The following ADPRH variants were observed in gnomAD, a reference collection of about 807,000 sequenced individuals.
ADPRH encodes ADP-ribosylarginine hydrolase.
In ADPRH, 27 loss-of-function variants were observed where a neutral mutation model predicts 28.8. That is an observed-to-expected ratio of 0.94 (90% confidence interval 0.69 to 1.29). The LOEUF is 1.29. ADPRH is among the 50% of genes most tolerant of loss of function. The probability of loss-of-function intolerance (pLI) is 0.00; values close to 1 mark genes in which losing one functional copy is unlikely to be tolerated. For missense variants in ADPRH, 419 were observed against 444.8 expected, an observed-to-expected ratio of 0.94 and a Z score of 0.52; for synonymous variants, 161 against 166.9, an observed-to-expected ratio of 0.96 and a Z score of 0.27.
chr3:119,587,710 C>G lies in ADPRH; in HGVS notation c.906C>G (p.Asp302Glu), dbSNP rs985221967. 1.2e-6 allele frequency: 2 copies of G among 1,614,148 alleles called. No individual in the cohort carries two copies. The highest frequency in any genetic ancestry group is 1.7e-6 in the Non-Finnish European group (2 of 1,180,036). The change falls in exon 5 of 5, where the codon GAC becomes GAG. Residue 302 changes from aspartate (D) to glutamate (E), a missense_variant. Coordinates refer to ENST00000357003, the MANE Select transcript of ADPRH (RefSeq NM_001125.4). ...LAHRAFFHGG[D>E]SDSTAAIAGC... ...ACCGAGCCTTTTTCCATGGTGGAGA[C>G]AGTGATTCTACAGCTGCCATTGCTG...
At chr3:119,583,481 T>C (rs1186856842) in intron 3 of ADPRH, among the ~76,000 whole-genome samples, 1 of 152,246 alleles carries the variant, frequency 6.6e-6, no homozygotes, top group Non-Finnish European at 1.5e-5. Flanking sequence ...AATAAATGTA[T>C]ATAATTGATT....
In ADPRH at chr3:119,587,635, T is replaced by C; in HGVS notation, c.831T>C (p.Ile277=). Residue 277 remains isoleucine (I), a synonymous_variant, in exon 5 of 5, where the codon ATT becomes ATC. Transcript: ENST00000357003. ...GGSSGHDAPM[I]AYDAVLAAGD... ...GCAGTGGGCACGATGCCCCCATGAT[T>C]GCCTACGATGCTGTTCTTGCTGCAG... 6.2e-7 allele frequency: 1 copy of C among 1,614,230 alleles called. No individual in the cohort carries two copies. The highest frequency in any genetic ancestry group is 8.5e-7 in the Non-Finnish European group (1 of 1,180,022).
chr3:119,586,295 G>C lies in ADPRH; in HGVS notation c.309G>C (p.Ser103=), dbSNP rs142760415. The C allele has an allele frequency of 1.2e-6, 2 of 1,612,982 alleles. No homozygotes were observed. The highest frequency in any genetic ancestry group is 1.7e-6 in the Non-Finnish European group (2 of 1,180,036). Residue 103 remains serine (S), a synonymous_variant, in exon 4 of 5, where the codon TCG becomes TCC. Transcript: ENST00000357003. ...CCGACTCTTCCCCAGGTGGTGCCTC[G>C]GTGCACAACGCCATGCAGCTGAAGC... ...DMDGRAPGGA[S]VHNAMQLKPG... is the part of the protein sequence containing the mutation.
At chr3:119,585,993 GAAC>G (rs1032118902) in intron 3 of ADPRH, among the ~76,000 whole-genome samples, 4 of 152,230 alleles carry the variant, frequency 2.6e-5, no homozygotes, top group Non-Finnish European at 4.4e-5. Flanking sequence ...TTAAAAAAGA[GAAC>G]AATATACTTA....
chr3:119,583,457 A>T (rs189314832), intron 3 of ADPRH, among the ~76,000 whole-genome samples: 2,463 of 152,346 alleles, frequency 0.016, 21 homozygotes, highest in Non-Finnish European at 0.027. Context: ...ATATCAAATC[A>T]TCACATTATA....
At chr3:119,582,082 TGA>T in intron 2 of ADPRH, 50 bp from the exon 3 acceptor site, 28 of 1,233,710 alleles carry the variant, frequency 2.3e-5, no homozygotes, top group Non-Finnish European at 2.8e-5. Flanking sequence ...TTGTTTTTTC[TGA>T]TTCTTCTTGC....
intron 4 of ADPRH, among the ~76,000 whole-genome samples, chr3:119,587,125 C>T (rs2082469459): frequency 6.6e-6 from 1 of 152,248 alleles, no homozygotes; most frequent in Non-Finnish European, 1.5e-5. Flanking sequence ...CTGCTGAAGT[C>T]ACCCACAGTT....
In ADPRH at chr3:119,586,643, CT is replaced by C; in HGVS notation, c.658del (p.Trp220GlyfsTer12). On this transcript the variant is annotated frameshift_variant and splice_region_variant, in exon 4 of 5. Transcript: ENST00000357003. LOFTEE classifies it high-confidence loss of function. ...ACTTTGTAGAGGAAAATCTTCAACA[CT>C]GGTGAGTCTGTAAGCGCACGCCCTG... ...GYFVEENLQH[W>X]SYFQTKWENY... The C allele has an allele frequency of 6.2e-7, 1 of 1,613,300 alleles. No individual in the cohort carries two copies.
At chr3:119,582,644 G>T (rs1329741024) in intron 3 of ADPRH, among the ~76,000 whole-genome samples, 177 bp downstream of exon 3, 1 of 152,184 alleles carries the variant, frequency 6.6e-6, no homozygotes, top group Admixed American at 6.5e-5. Context: ...TCTTTGGGAG[G>T]CCAAGGTGAG....
chr3:119,586,375 G>T lies in ADPRH; in HGVS notation c.389G>T (p.Gly130Val), dbSNP rs756340362. 8 of 1,614,216 alleles carry T rather than the reference G, an allele frequency of 5.0e-6. No homozygotes were observed. The South Asian group carries it at 8.8e-5, about 18-fold the overall frequency. Residue 130 changes from glycine (G) to valine (V), a missense_variant, in exon 4 of 5, where the codon GGG becomes GTG. Gly to Val is a moderately radical substitution (Grantham distance 109). Coordinates refer to ENST00000357003, the MANE Select transcript of ADPRH (RefSeq NM_001125.4). Reference sequence around the variant, plus strand: ...TTCAACAGCCATGAGGGCGGCTGTGGGGCTGCCATGCGGGCCATGTGCATC... The same window carrying T: ...TTCAACAGCCATGAGGGCGGCTGTGTGGCTGCCATGCGGGCCATGTGCATC... ...IPFNSHEGGC[G>V]AAMRAMCIGL...
chr3:119,582,084 A>G, intron 2 of ADPRH, 50 bp from the exon 3 acceptor site: 3 of 701,572 alleles, frequency 4.3e-6, no homozygotes, highest in Non-Finnish European at 4.5e-6. Flanking sequence ...GTTTTTTCTG[A>G]TTCTTCTTGC....
chr3:119,581,064 C>CTTTTTTTTT (rs71156755), intron 2 of ADPRH, among the ~76,000 whole-genome samples: 1 of 120,242 alleles, frequency 8.3e-6, no homozygotes, highest in Non-Finnish European at 1.7e-5. Flanking sequence ...ACTCTAAGAA[C>CTTTTTTTTT]TTTTTTTTTT....
At position 119,588,061 on chromosome 3, in the gene ADPRH, C is replaced by T; in HGVS notation, c.*183C>T. 1.8e-6 allele frequency: 1 copy of T among 552,896 alleles called. No homozygotes were observed. Among genetic ancestry groups the T allele is most frequent in the East Asian group, 3.1e-5 (1 of 32,022 alleles). 34.2% of individuals were successfully genotyped at this position (552,896 alleles called of 1,614,324 possible). On this transcript the variant is annotated 3_prime_UTR_variant, in exon 5 of 5. Coordinates refer to ENST00000357003, the MANE Select transcript of ADPRH (RefSeq NM_001125.4). ...TCATCCTGTTCTTCCAGAATCTATC[C>T]CTTTTCTTACACTGAAGAGTCCTTT...
At position 119,586,528 on chromosome 3, in the gene ADPRH, A is replaced by C. The variant is rs764081784; in HGVS notation, c.542A>C (p.Tyr181Ser). 8 of 1,614,084 alleles carry C rather than the reference A, an allele frequency of 5.0e-6. No homozygotes were observed. In the Admixed American group the frequency reaches 1.3e-4, roughly 27 times the overall value. The change falls in exon 4 of 5, where the codon TAT (tyrosine) becomes TCT (serine). Residue 181 changes from tyrosine to serine, a missense_variant. By Grantham distance (144) the Tyr-to-Ser change is moderately radical (BLOSUM62 -2). Coordinates refer to ENST00000357003, the MANE Select transcript of ADPRH (RefSeq NM_001125.4). ...CTTGCGTCTGCTCTTTTTACAGCCT[A>C]TGCTGTGAATAGCAGACCACCCTTG... ...GALASALFTA[Y>S]AVNSRPPLQW... is the part of the protein sequence containing the mutation.
intron 3 of ADPRH, among the ~76,000 whole-genome samples, chr3:119,584,551 A>G (rs1178991455): frequency 2.6e-5 from 4 of 152,170 alleles, no homozygotes; most frequent in Non-Finnish European, 5.9e-5. Context: ...CGACAGAGTG[A>G]GACCCCATCT....
rs114129720 is a variant in ADPRH, at chr3:119,584,639, G to C, written c.299-1646G>C. Among the ~76,000 whole-genome samples, 880 of 152,302 alleles carry C rather than the reference G, an allele frequency of 5.8e-3. 9 individuals are homozygous for C. The highest frequency in any genetic ancestry group is 5.0e-3 in the Non-Finnish European group (339 of 68,020). On this transcript the variant is annotated intron_variant, in intron 3 of 4. Coordinates refer to ENST00000357003, the MANE Select transcript of ADPRH (RefSeq NM_001125.4). ...TCACAAGTGGTTCTTGCCCACTTCG[G>C]CAACTTGTTAGAGCCACTTGGGCCA...
chr3:119,585,924 A>G (rs1013729522), intron 3 of ADPRH, among the ~76,000 whole-genome samples: 1 of 152,184 alleles, frequency 6.6e-6, no homozygotes, highest in Non-Finnish European at 1.5e-5. Flanking sequence ...GCCACTAACT[A>G]GCTGATTATG....
At chr3:119,582,759 C>T (rs541028865) in intron 3 of ADPRH, among the ~76,000 whole-genome samples, 4 of 152,238 alleles carry the variant, frequency 2.6e-5, no homozygotes, top group South Asian at 2.1e-4. Context: ...GGTACTGATC[C>T]GTGGCTTGTT....
intron 1 of ADPRH, chr3:119,580,215 A>G (rs1451072751): frequency 1.3e-5 from 2 of 152,268 alleles, no homozygotes; most frequent in Non-Finnish European, 2.9e-5. Context: ...GGAAAGGACA[A>G]TGAGGACATT....
Sources: allele counts gnomAD v4.1 joint callset (sites outside exome capture counted in the v4.1 genomes callset), GRCh38; gene constraint gnomAD v4.1.1; transcripts MANE v1.5; gene names NCBI Gene and HGNC (gene_info 2026-07-23, HGNC 2026-07-21).